GNAL: variants seen among roughly 807,000 people sequenced by gnomAD.
GNAL encodes the protein guanine nucleotide-binding protein G(olf) subunit alpha.
In GNAL, 18 loss-of-function variants were observed where a neutral mutation model predicts 55.1. The observed-to-expected ratio is 0.33, with a 90% CI of 0.23 to 0.48. The LOEUF is 0.48. Among genes scored for constraint, GNAL ranks in the 20% least tolerant of loss-of-function variants. The pLI is 0.99. For synonymous variants in GNAL, 253 were observed against 237.0 expected, an observed-to-expected ratio of 1.07 and a Z score of -0.62; for missense variants, 412 against 614.1, an observed-to-expected ratio of 0.67 and a Z score of 3.48.
intron 1 of GNAL, among the ~76,000 whole-genome samples, chr18:11,750,483 C>T (rs565227465): frequency 3.9e-4 from 60 of 152,086 alleles, no homozygotes; most frequent in African/African-American, 1.3e-3. Flanking sequence ...GCTGTGGGGA[C>T]GGCTCCTCGG....
At chr18:11,713,574 G>T (rs983249449) in intron 1 of GNAL, among the ~76,000 whole-genome samples, 3 of 152,204 alleles carry the variant, frequency 2.0e-5, no homozygotes, top group Admixed American at 6.5e-5. Flanking sequence ...GCCAGTTGCT[G>T]CAGGTTGTGG....
At chr18:11,880,772 G>A (rs946945047) in intron 11 of GNAL, among the ~76,000 whole-genome samples, 10 of 151,972 alleles carry the variant, frequency 6.6e-5, no homozygotes, top group African/African-American at 1.5e-4. Context: ...TGACCTATCC[G>A]TGCTGCTTCA....
intron 4 of GNAL, among the ~76,000 whole-genome samples, chr18:11,783,078 A>G (rs1051967520): frequency 6.6e-6 from 1 of 152,250 alleles, no homozygotes; most frequent in African/African-American, 2.4e-5. Context: ...TAAATTTCAC[A>G]TCGCATTCTG....
chr18:11,754,626 A>G (rs1044030678), intron 4 of GNAL, among the ~76,000 whole-genome samples: 22 of 152,214 alleles, frequency 1.4e-4, no homozygotes, highest in African/African-American at 4.3e-4. Flanking sequence ...TATGGTAGGT[A>G]ATTGCTTCCA....
At chr18:11,793,650 G>A (rs56314648) in intron 4 of GNAL, among the ~76,000 whole-genome samples, 10,135 of 147,660 alleles carry the variant, frequency 0.069, 760 homozygotes, top group African/African-American at 0.17. Flanking sequence ...AAGGGGCCAG[G>A]CGCAGTGGCT....
chr18:11,722,426 T>C (rs576513142), intron 1 of GNAL, among the ~76,000 whole-genome samples: 3 of 152,214 alleles, frequency 2.0e-5, no homozygotes, highest in Non-Finnish European at 4.4e-5. Flanking sequence ...TATATTCTTC[T>C]AGCATAGATA....
rs115879097 is a variant in GNAL, at chr18:11,718,210, A to G, written c.376+28271A>G. ...AAAGTAAGGATAAAGAAGAAAAATG[A>G]AAAGAATCTTATGTGACATAATCAT... On this transcript the variant is annotated intron_variant, in intron 1 of 11. Transcript: ENST00000334049. 5.1e-3 allele frequency among the ~76,000 whole-genome samples: 777 copies of G among 152,348 alleles called. 6 individuals are homozygous for G. The highest frequency in any genetic ancestry group is 0.018 in the African/African-American group (740 of 41,588).
intron 4 of GNAL, among the ~76,000 whole-genome samples, chr18:11,784,359 G>A (rs1231845100): frequency 2.0e-5 from 3 of 152,200 alleles, no homozygotes; most frequent in Non-Finnish European, 2.9e-5. Flanking sequence ...CAACCACGTG[G>A]CCACAGGTGT....
At chr18:11,837,892 G>T (rs1483759367) in intron 5 of GNAL, among the ~76,000 whole-genome samples, 1 of 152,200 alleles carries the variant, frequency 6.6e-6, no homozygotes, top group Non-Finnish European at 1.5e-5. Context: ...TGTAATCCCA[G>T]CACTTTGGAG....
chr18:11,829,448 T>C (rs906922615), intron 5 of GNAL, among the ~76,000 whole-genome samples: 2 of 152,176 alleles, frequency 1.3e-5, no homozygotes, highest in Non-Finnish European at 2.9e-5. Flanking sequence ...TAGACCAACA[T>C]AGAGCTGCCA....
chr18:11,885,610 A>T lies in GNAL; in HGVS notation c.*4475A>T. On this transcript the variant is annotated 3_prime_UTR_variant, in exon 12 of 12. Transcript: ENST00000334049. ...TTTTGACCGATTGCAGCAATTAAAT[A>T]GTTGATTACTGTGTTGATTTAAATA... 1 of 1,540,326 alleles carries T rather than the reference A, an allele frequency of 6.5e-7. No individual in the cohort carries two copies. Among genetic ancestry groups the T allele is most frequent in the Non-Finnish European group, 8.8e-7 (1 of 1,131,128 alleles).
At chr18:11,796,098 C>T (rs2034371543) in intron 4 of GNAL, among the ~76,000 whole-genome samples, 1 of 152,056 alleles carries the variant, frequency 6.6e-6, no homozygotes, top group South Asian at 2.1e-4. Context: ...CCTCCTTAAC[C>T]CATTCATTAA....
chr18:11,782,647 A>AG, intron 4 of GNAL, among the ~76,000 whole-genome samples: 1 of 152,132 alleles, frequency 6.6e-6, no homozygotes, highest in Non-Finnish European at 1.5e-5. Context: ...AGGAGATGGG[A>AG]GGGGCTCATG....
intron 4 of GNAL, among the ~76,000 whole-genome samples, chr18:11,796,561 G>A (rs1417561266): frequency 8.2e-6 from 1 of 122,442 alleles, no homozygotes. Flanking sequence ...GTGACAGAGC[G>A]AGACTCCTTC....
intron 4 of GNAL, among the ~76,000 whole-genome samples, chr18:11,800,036 T>C (rs2034483655): frequency 1.3e-5 from 2 of 152,234 alleles, no homozygotes; most frequent in Non-Finnish European, 2.9e-5. Flanking sequence ...ACTGTCATTA[T>C]TATTATTTGC....
chr18:11,825,218 A>C (rs926717218), intron 5 of GNAL, among the ~76,000 whole-genome samples: 2 of 152,216 alleles, frequency 1.3e-5, no homozygotes, highest in African/African-American at 2.4e-5. Flanking sequence ...TCTGAGAACC[A>C]GAAAGTTTCG....
intron 9 of GNAL, among the ~76,000 whole-genome samples, chr18:11,869,902 G>C (rs2848462): frequency 0.23 from 34,693 of 151,900 alleles, 4,140 homozygotes; most frequent in African/African-American, 0.29. Flanking sequence ...GAGGGAGACT[G>C]TGTCTCAAAA....
At chr18:11,879,218 C>T (rs1408939473) in intron 11 of GNAL, among the ~76,000 whole-genome samples, 3 of 151,612 alleles carry the variant, frequency 2.0e-5, no homozygotes, top group Non-Finnish European at 2.9e-5. Context: ...GGTCTATCCC[C>T]GTGAGGAGTT....
chr18:11,851,420 AAGG>A, intron 5 of GNAL: 2 of 1,409,132 alleles, frequency 1.4e-6, no homozygotes, highest in South Asian at 1.5e-5. Context: ...GACCAAAACA[AAGG>A]AGCGGCGGCC....
Sources: gnomAD v4.1 joint callset for allele counts (sites outside exome capture counted in the v4.1 genomes callset) on GRCh38, gnomAD v4.1.1 for gene constraint, MANE v1.5 for transcripts, NCBI Gene and HGNC (gene_info 2026-07-23, HGNC 2026-07-21) for gene names.